The following OXSR1 variants were observed in gnomAD, a reference collection of about 807,000 sequenced individuals.
OXSR1 encodes the protein serine/threonine-protein kinase OSR1.
A neutral mutation model predicts 79.8 loss-of-function variants in OXSR1; 24 were observed. The ratio of observed to expected loss-of-function variants is 0.30; its 90% CI spans 0.22 to 0.42. The LOEUF is 0.42. Ranked by LOEUF, OXSR1 falls within the 10% of genes least tolerant of loss-of-function variation. The pLI is 1.00. For synonymous variants in OXSR1, 226 were observed against 209.2 expected, an observed-to-expected ratio of 1.08 and a Z score of -0.69; for missense variants, 430 against 618.4, an observed-to-expected ratio of 0.70 and a Z score of 3.23.
chr3:38,196,433 G>C (rs1239243557), intron 3 of OXSR1, among the ~76,000 whole-genome samples: 1 of 152,156 alleles, frequency 6.6e-6, no homozygotes, highest in Non-Finnish European at 1.5e-5. Flanking sequence ...CTCAGTTAAG[G>C]ATGAAGGTCT....
intron 8 of OXSR1, among the ~76,000 whole-genome samples, chr3:38,227,627 TAG>T (rs1702719067): frequency 6.7e-6 from 1 of 149,620 alleles, no homozygotes; most frequent in African/African-American, 2.5e-5. Flanking sequence ...CAGGAAAGAC[TAG>T]AGAGAGTATA....
At chr3:38,164,409 G>A (rs1701386740), upstream of OXSR1, among the ~76,000 whole-genome samples, 1 of 152,190 alleles carries the variant, frequency 6.6e-6, no homozygotes, top group Non-Finnish European at 1.5e-5. Flanking sequence ...GCCTCCCAAA[G>A]TGTTGGGATT....
intron 4 of OXSR1, among the ~76,000 whole-genome samples, chr3:38,214,218 C>T (rs1232325584): frequency 6.6e-6 from 1 of 150,434 alleles, no homozygotes; most frequent in Non-Finnish European, 1.5e-5. Context: ...AGGTCATCTC[C>T]TCAATGGTTA....
intron 12 of OXSR1, among the ~76,000 whole-genome samples, chr3:38,244,871 A>C (rs1473486582): frequency 6.6e-6 from 1 of 152,126 alleles, no homozygotes; most frequent in Non-Finnish European, 1.5e-5. Context: ...AGGGACCATC[A>C]TACTGTTTTC....
chr3:38,186,910 A>G (rs983109281), intron 2 of OXSR1, among the ~76,000 whole-genome samples: 28 of 152,168 alleles, frequency 1.8e-4, no homozygotes, highest in African/African-American at 6.3e-4. Flanking sequence ...TAGCCGTACC[A>G]TTTTACATTC....
At chr3:38,234,686 T>C (rs1324383837) in intron 10 of OXSR1, among the ~76,000 whole-genome samples, 3 of 152,208 alleles carry the variant, frequency 2.0e-5, no homozygotes, top group Non-Finnish European at 4.4e-5. Context: ...GTCTGGCAGT[T>C]CCTCAGAAGC....
At chr3:38,212,764 CTTAAGAGTGGATAGAGGA>C (rs1390064891) in intron 4 of OXSR1, among the ~76,000 whole-genome samples, 14 of 152,206 alleles carry the variant, frequency 9.2e-5, no homozygotes, top group African/African-American at 3.1e-4. Flanking sequence ...CTTCTTGCTA[CTTAAGAGTGGATAGAGGA>C]TTTAGCTTTT....
chr3:38,211,468 T>A (rs1393915292), intron 4 of OXSR1, among the ~76,000 whole-genome samples: 1 of 152,124 alleles, frequency 6.6e-6, no homozygotes, highest in Non-Finnish European at 1.5e-5. Flanking sequence ...CTCCTAGAAA[T>A]GTTTTTGTTT....
At chr3:38,164,180 T>C (rs1198202413), upstream of OXSR1, among the ~76,000 whole-genome samples, 1 of 152,164 alleles carries the variant, frequency 6.6e-6, no homozygotes, top group Non-Finnish European at 1.5e-5. Flanking sequence ...TCTTCCTTTT[T>C]CTGAGACGGT....
chr3:38,198,994 C>T (rs1702115337), intron 4 of OXSR1, 131 bp downstream of exon 4: 6 of 630,312 alleles, frequency 9.5e-6, no homozygotes, highest in Middle Eastern at 2.7e-4. Flanking sequence ...TGGTTAGAGT[C>T]TTAATTATAC....
intron 3 of OXSR1, among the ~76,000 whole-genome samples, chr3:38,195,129 G>A (rs754840935): frequency 8.5e-5 from 13 of 152,250 alleles, no homozygotes; most frequent in Non-Finnish European, 1.6e-4. Context: ...AGCACTTTTG[G>A]TATAAATAGC....
chr3:38,198,381 G>T (rs1702103863), intron 3 of OXSR1, among the ~76,000 whole-genome samples: 1 of 152,032 alleles, frequency 6.6e-6, no homozygotes, highest in Non-Finnish European at 1.5e-5. Context: ...GATCTTAAAA[G>T]CCTATATTGG....
At chr3:38,213,629 T>A (rs983621979) in intron 4 of OXSR1, among the ~76,000 whole-genome samples, 2 of 152,206 alleles carry the variant, frequency 1.3e-5, no homozygotes, top group African/African-American at 4.8e-5. Flanking sequence ...ATATAAGATG[T>A]TAATAATAGG....
Position 38,165,585 on chromosome 3 carries a change from C to G in OXSR1, c.-292C>G. On this transcript the variant is annotated 5_prime_UTR_variant, in exon 1 of 18. Coordinates refer to ENST00000311806, the MANE Select transcript of OXSR1 (RefSeq NM_005109.3). ...GAGGGCGGGACAGAGGGGCTGGGCC[C>G]AGGCAAAGCTTCTGTCGCTGCTGCT... 2.5e-6 allele frequency: 1 copy of G among 397,926 alleles called. No homozygotes were observed. Among genetic ancestry groups the G allele is most frequent in the Non-Finnish European group, 4.6e-6 (1 of 219,248 alleles). The allele number at this position is 397,926 out of a possible 1,614,324, so 24.6% of individuals were successfully genotyped here. A position where few individuals can be genotyped will look rare whatever the true frequency, so the allele number is the denominator to read the frequency against.
chr3:38,200,146 G>GT (rs377278219), intron 4 of OXSR1, among the ~76,000 whole-genome samples: 19 of 152,188 alleles, frequency 1.2e-4, no homozygotes, highest in African/African-American at 4.3e-4. Context: ...GGCACTGCTC[G>GT]TTAGGCATGG....
chr3:38,174,826 C>A (rs1575306830), intron 1 of OXSR1, among the ~76,000 whole-genome samples: 1 of 152,148 alleles, frequency 6.6e-6, no homozygotes, highest in East Asian at 1.9e-4. Context: ...GAGTTGCCAT[C>A]CGCTCAGATG....
At position 38,223,814 on chromosome 3, in the gene OXSR1, C is replaced by G; in HGVS notation, c.603C>G (p.Val201=). The G allele has an allele frequency of 5.6e-6, 9 of 1,605,118 alleles. No individual in the cohort carries two copies. The highest frequency in any genetic ancestry group is 7.7e-6 in the Non-Finnish European group (9 of 1,173,312). Residue 201 remains valine, a splice_region_variant and synonymous_variant, in exon 7 of 18, where the codon GTC becomes GTG. Coordinates refer to ENST00000311806, the MANE Select transcript of OXSR1 (RefSeq NM_005109.3). ...CWMAPEVMEQ[V]RGYDFKADIW... ...AATCATGCAAATCTGTTTTGCAGGT[C>G]CGTGGTTATGATTTCAAAGCTGATA...
At chr3:38,201,753 A>G (rs1702169818) in intron 4 of OXSR1, among the ~76,000 whole-genome samples, 1 of 151,656 alleles carries the variant, frequency 6.6e-6, no homozygotes, top group Non-Finnish European at 1.5e-5. Context: ...GGTCTCAGCT[A>G]CTCAGGAGGC....
rs34362848 is a variant in OXSR1 at position 38,253,326 on chromosome 3, T to C, written c.*435T>C. 1,166 of 161,962 alleles carry C rather than the reference T, an allele frequency of 7.2e-3. 6 individuals carry two copies. The highest frequency in any genetic ancestry group is 0.05 in the Middle Eastern group (16 of 320). The allele number at this position is 161,962 out of a possible 1,614,324, so 10.0% of individuals were successfully genotyped here. ...ATATCTCTTTACCACTGAAGTAGAA[T>C]TGATTGTTCAGCTGGAGCCCAGAGA... On this transcript the variant is annotated 3_prime_UTR_variant, in exon 18 of 18. Transcript: ENST00000311806.
Sources: gnomAD v4.1 joint callset for allele counts (sites outside exome capture counted in the v4.1 genomes callset) on GRCh38, gnomAD v4.1.1 for gene constraint, MANE v1.5 for transcripts, NCBI Gene and HGNC (gene_info 2026-07-23, HGNC 2026-07-21) for gene names.